The following PTPRO variants were observed in gnomAD, a reference collection of about 807,000 sequenced individuals.
PTPRO encodes the protein receptor-type tyrosine-protein phosphatase O.
In PTPRO, 62 loss-of-function variants were observed where a neutral mutation model predicts 145.2. That is an observed-to-expected ratio of 0.43 (90% CI 0.35 to 0.53). The LOEUF is 0.53. PTPRO is among the 20% of genes least tolerant of loss of function. The pLI is 0.01. For synonymous variants in PTPRO, 565 were observed against 514.7 expected (o/e 1.10, Z -1.32); for missense variants, 1,345 against 1,482.7 (o/e 0.91, Z 1.53).
At chr12:15,590,528 T>G (rs1944527616) in intron 25 of PTPRO, among the ~76,000 whole-genome samples, 1 of 152,168 alleles carries the variant, frequency 6.6e-6, no homozygotes, top group East Asian at 1.9e-4. Flanking sequence ...CCAGCACCAC[T>G]AGATGTCAGT....
intron 1 of PTPRO, among the ~76,000 whole-genome samples, chr12:15,455,361 T>C (rs1362833761): frequency 1.3e-5 from 2 of 152,114 alleles, no homozygotes; most frequent in African/African-American, 2.4e-5. Flanking sequence ...GGCAGGTTTT[T>C]CCTGAGTTTT....
In PTPRO at chr12:15,421,766, A is replaced by G. The variant is rs375386585; in HGVS notation, c.76-62208A>G. ...TTATTTTTAAAGCCCTGTGACACCTAGTGTGAAGCAGAAGAGTTTGCAAAG... is the reference window on the plus strand; with the variant it reads ...TTATTTTTAAAGCCCTGTGACACCTGGTGTGAAGCAGAAGAGTTTGCAAAG... On this transcript the variant is annotated intron_variant, in intron 1 of 26. Coordinates refer to ENST00000281171, the MANE Select transcript of PTPRO (RefSeq NM_030667.3). Among the ~76,000 whole-genome samples, 4 of 152,312 alleles carry G rather than the reference A, an allele frequency of 2.6e-5. No individual in the cohort carries two copies. The East Asian group carries it at 7.7e-4, about 29-fold the overall frequency.
At chr12:15,443,864 G>A (rs1420861737) in intron 1 of PTPRO, among the ~76,000 whole-genome samples, 1 of 152,052 alleles carries the variant, frequency 6.6e-6, no homozygotes, top group Non-Finnish European at 1.5e-5. Context: ...GTGGAGAAAA[G>A]GGAATGTTCC....
chr12:15,559,573 G>T (rs1006840227), intron 16 of PTPRO, among the ~76,000 whole-genome samples: 2 of 152,120 alleles, frequency 1.3e-5, no homozygotes, highest in Admixed American at 6.6e-5. Flanking sequence ...CTAAGTAGTT[G>T]ATGAGCTACT....
At chr12:15,519,410 T>A (rs1231409613) in intron 9 of PTPRO, among the ~76,000 whole-genome samples, 1 of 152,182 alleles carries the variant, frequency 6.6e-6, no homozygotes, top group Non-Finnish European at 1.5e-5. Flanking sequence ...GTTTTTGCTT[T>A]TAGGTTTTGG....
intron 1 of PTPRO, among the ~76,000 whole-genome samples, chr12:15,447,014 G>C (rs909884263): frequency 1.3e-5 from 2 of 152,086 alleles, no homozygotes; most frequent in Non-Finnish European, 1.5e-5. Flanking sequence ...CACACGGTGA[G>C]CACACCCACT....
At position 15,482,471 on chromosome 12, in the gene PTPRO, G is replaced by A. The variant is rs189784094; in HGVS notation, c.76-1503G>A. ...TCTAATGCTCTATAGTACTATAGGGGGACTATATTGACACTTTATCGTGTA... is the reference window on the plus strand; with the variant it reads ...TCTAATGCTCTATAGTACTATAGGGAGACTATATTGACACTTTATCGTGTA... On this transcript the variant is annotated intron_variant, in intron 1 of 26. Transcript: ENST00000281171. 5.3e-5 allele frequency among the ~76,000 whole-genome samples: 8 copies of A among 151,916 alleles called. No homozygotes were observed. The East Asian group carries it at 1.4e-3, about 26-fold the overall frequency.
chr12:15,422,791 A>G (rs1462561763), intron 1 of PTPRO, among the ~76,000 whole-genome samples: 2 of 152,220 alleles, frequency 1.3e-5, no homozygotes, highest in East Asian at 3.8e-4. Context: ...TGAAAAGGGT[A>G]AATATTTAGT....
At chr12:15,571,448 C>T (rs1944047332) in intron 19 of PTPRO, among the ~76,000 whole-genome samples, 2 of 152,050 alleles carry the variant, frequency 1.3e-5, no homozygotes, top group South Asian at 4.1e-4. Context: ...CCACCATGCC[C>T]GGCTAACTTT....
In PTPRO at chr12:15,438,174, G is replaced by A. The variant is rs1293779114; in HGVS notation, c.76-45800G>A. 3.3e-5 allele frequency among the ~76,000 whole-genome samples: 5 copies of A among 152,052 alleles called. No individual in the cohort carries two copies. The East Asian group carries it at 9.7e-4, about 29-fold the overall frequency. ...AGCACGTAAGGGAAAGAGAATAATA[G>A]TAATGACATTATAAGGAAAGAAAGA... On this transcript the variant is annotated intron_variant, in intron 1 of 26. Transcript: ENST00000281171.
At chr12:15,430,040 C>T (rs942515716) in intron 1 of PTPRO, among the ~76,000 whole-genome samples, 1 of 151,670 alleles carries the variant, frequency 6.6e-6, no homozygotes, top group African/African-American at 2.4e-5. Flanking sequence ...ATTTAAGAGC[C>T]TTGAGTTTGC....
At chr12:15,360,601 C>G (rs983763961) in intron 1 of PTPRO, among the ~76,000 whole-genome samples, 9 of 151,486 alleles carry the variant, frequency 5.9e-5, no homozygotes, top group African/African-American at 2.2e-4. Context: ...TTTAGTATCT[C>G]TCTTTCTCTC....
At chr12:15,588,757 T>C (rs1352425807) in intron 24 of PTPRO, among the ~76,000 whole-genome samples, 1 of 152,210 alleles carries the variant, frequency 6.6e-6, no homozygotes. Flanking sequence ...GGCTTAACTC[T>C]GATGCTGTTC....
At chr12:15,348,069 C>T (rs1161309105) in intron 1 of PTPRO, among the ~76,000 whole-genome samples, 1 of 152,096 alleles carries the variant, frequency 6.6e-6, no homozygotes, top group African/African-American at 2.4e-5. Flanking sequence ...CTAACCCTAA[C>T]CGTAACTGTG....
intron 3 of PTPRO, among the ~76,000 whole-genome samples, chr12:15,498,293 G>A (rs182608795): frequency 4.4e-4 from 67 of 152,264 alleles, no homozygotes; most frequent in African/African-American, 1.5e-3. Flanking sequence ...GGTGGCTCAC[G>A]CCTGTAATCC....
chr12:15,368,282 G>T (rs533103436), intron 1 of PTPRO, among the ~76,000 whole-genome samples: 1 of 152,102 alleles, frequency 6.6e-6, no homozygotes, highest in African/African-American at 2.4e-5. Context: ...GCTCCATATT[G>T]TTTCCTTACC....
In PTPRO at chr12:15,457,296, T is replaced by C. The variant is rs373784574; in HGVS notation, c.76-26678T>C. Among the ~76,000 whole-genome samples, 65 of 152,370 alleles carry C rather than the reference T, an allele frequency of 4.3e-4. 1 individual carries two copies. The South Asian group carries it at 0.012, about 28-fold the overall frequency. ...TCCCCAGCTCACAGACAGCCTATTG[T>C]GGGTATTTGCCTTTTGATCATGTGA... On this transcript the variant is annotated intron_variant, in intron 1 of 26. Transcript: ENST00000281171.
At chr12:15,456,531 G>T (rs1011249949) in intron 1 of PTPRO, among the ~76,000 whole-genome samples, 1 of 152,126 alleles carries the variant, frequency 6.6e-6, no homozygotes, top group African/African-American at 2.4e-5. Flanking sequence ...GAAGTATTCT[G>T]CTTCCTAGAT....
chr12:15,526,137 T>G lies in PTPRO; in HGVS notation c.2044-5T>G. On this transcript the variant is annotated splice_region_variant and splice_polypyrimidine_tract_variant and intron_variant, in intron 11 of 26. Transcript: ENST00000281171. ...TTTAAACCCTTGATTTTGATGATCT[T>G]GCAGGTAACACGCAATGTCATGACT... The G allele has an allele frequency of 6.2e-7, 1 of 1,614,002 alleles. No individual in the cohort carries two copies. The highest frequency in any genetic ancestry group is 8.5e-7 in the Non-Finnish European group (1 of 1,179,894).
Sources: gnomAD v4.1 joint callset for allele counts (sites outside exome capture counted in the v4.1 genomes callset) on GRCh38, gnomAD v4.1.1 for gene constraint, MANE v1.5 for transcripts, NCBI Gene and HGNC (gene_info 2026-07-23, HGNC 2026-07-21) for gene names.